PAM: variants seen among roughly 807,000 people sequenced by gnomAD.
PAM encodes peptidylglycine alpha-amidating monooxygenase.
In PAM, 72 loss-of-function variants were observed where a neutral mutation model predicts 122.1. The ratio of observed to expected loss-of-function variants is 0.59; its 90% CI spans 0.49 to 0.72. The LOEUF is 0.72. PAM is among the 30% of genes least tolerant of loss of function. The pLI, the probability that PAM is intolerant of heterozygous loss-of-function variation, is 0.00. For missense variants in PAM, 1,106 were observed against 1,183.7 expected (o/e 0.93, Z 0.96); for synonymous variants, 389 against 404.4 (o/e 0.96, Z 0.46).
intron 1 of PAM, among the ~76,000 whole-genome samples, chr5:102,755,649 T>G (rs2149604782): frequency 6.6e-6 from 1 of 152,130 alleles, no homozygotes; most frequent in Non-Finnish European, 1.5e-5. Flanking sequence ...CGTCCTCCCC[T>G]CCGGTCCTTC....
Position 103,002,587 on chromosome 5 carries a change from A to G in PAM, c.1614-446A>G, listed in dbSNP as rs540220533. Among the ~76,000 whole-genome samples, 4 of 152,282 alleles carry G rather than the reference A, an allele frequency of 2.6e-5. No individual in the cohort carries two copies. The South Asian group carries it at 8.3e-4, about 32-fold the overall frequency. ...CATTTTGATCACTGCTCTTCCAGCT[A>G]TTATTATAATTAATGACAAAGTTAA... On this transcript the variant is annotated intron_variant, in intron 16 of 25. Transcript: ENST00000438793.
At chr5:102,926,239 C>G (rs542737303) in intron 6 of PAM, among the ~76,000 whole-genome samples, 6 of 152,130 alleles carry the variant, frequency 3.9e-5, no homozygotes, top group Admixed American at 3.3e-4. Context: ...GGACTACAGG[C>G]GCCCGCCACC....
intron 7 of PAM, among the ~76,000 whole-genome samples, chr5:102,931,961 A>G (rs1293446561): frequency 6.6e-6 from 1 of 152,028 alleles, no homozygotes; most frequent in African/African-American, 2.4e-5. Context: ...TTTAATATTT[A>G]CATTCTAAAT....
At chr5:102,935,954 G>A (rs1753103085) in intron 7 of PAM, among the ~76,000 whole-genome samples, 1 of 152,108 alleles carries the variant, frequency 6.6e-6, no homozygotes, top group Non-Finnish European at 1.5e-5. Context: ...GCTCAGATAG[G>A]CTCACAAGAG....
At chr5:103,002,050 CCCT>C (rs1414938223) in intron 16 of PAM, among the ~76,000 whole-genome samples, 1 of 151,614 alleles carries the variant, frequency 6.6e-6, no homozygotes, top group African/African-American at 2.4e-5. Flanking sequence ...ACACACACCC[CCCT>C]CAACTATGTA....
intron 1 of PAM, among the ~76,000 whole-genome samples, chr5:102,795,210 A>G (rs1054466475): frequency 3.4e-5 from 5 of 148,896 alleles, no homozygotes; most frequent in East Asian, 4.1e-4. Flanking sequence ...AAAAAAAAAA[A>G]AAGAAGAGAA....
intron 16 of PAM, among the ~76,000 whole-genome samples, chr5:102,992,347 A>ATTTTAT: frequency 6.6e-6 from 1 of 151,212 alleles, no homozygotes; most frequent in African/African-American, 2.4e-5. Flanking sequence ...ATGTAAAACT[A>ATTTTAT]TTTTTTTTTC....
chr5:102,874,777 T>A (rs572203783), intron 3 of PAM, among the ~76,000 whole-genome samples: 6 of 148,254 alleles, frequency 4.0e-5, no homozygotes, highest in African/African-American at 1.3e-4. Context: ...GGAGAAAACA[T>A]ACTTAGTGAG....
intron 1 of PAM, among the ~76,000 whole-genome samples, chr5:102,798,443 A>T (rs967347197): frequency 1.3e-5 from 2 of 152,192 alleles, no homozygotes; most frequent in East Asian, 3.8e-4. Flanking sequence ...CGAAGGAGGT[A>T]TATTATTGAA....
intron 16 of PAM, among the ~76,000 whole-genome samples, chr5:102,998,420 A>G (rs543211808): frequency 6.6e-6 from 1 of 152,294 alleles, no homozygotes; most frequent in African/African-American, 2.4e-5. Context: ...AGGCATTTGG[A>G]CTGCCACTAT....
intron 4 of PAM, among the ~76,000 whole-genome samples, chr5:102,902,964 T>C (rs1798433107): frequency 6.6e-6 from 1 of 151,498 alleles, no homozygotes; most frequent in South Asian, 2.1e-4. Flanking sequence ...ATTGCTCTCC[T>C]ACTATAAATG....
Position 102,916,549 on chromosome 5 carries a change from C to A in PAM, c.356+2528C>A, listed in dbSNP as rs578122913. Reference sequence around the variant, plus strand: ...TAAGTCTAACATTTAAAAGTAGGATCTTTTCAATATGTGAACTAGAAGACA... The same window carrying A: ...TAAGTCTAACATTTAAAAGTAGGATATTTTCAATATGTGAACTAGAAGACA... On this transcript the variant is annotated intron_variant, in intron 5 of 25. Coordinates refer to ENST00000438793, the MANE Select transcript of PAM (RefSeq NM_001177306.2). 7.3e-5 allele frequency among the ~76,000 whole-genome samples: 11 copies of A among 150,774 alleles called. No individual in the cohort carries two copies. In the South Asian group the frequency reaches 2.1e-3, roughly 29 times the overall value.
At chr5:102,779,198 A>G (rs1757937336) in intron 1 of PAM, among the ~76,000 whole-genome samples, 1 of 151,484 alleles carries the variant, frequency 6.6e-6, no homozygotes. Context: ...TAAGTGTGTA[A>G]TTCAAAAATA....
At chr5:102,912,095 A>G (rs1355119330) in intron 4 of PAM, among the ~76,000 whole-genome samples, 2 of 152,020 alleles carry the variant, frequency 1.3e-5, no homozygotes, top group African/African-American at 4.8e-5. Flanking sequence ...TTTGCATCCA[A>G]CCATTTAATT....
intron 3 of PAM, among the ~76,000 whole-genome samples, chr5:102,874,431 C>T (rs1326687886): frequency 2.0e-5 from 3 of 151,842 alleles, no homozygotes; most frequent in African/African-American, 7.3e-5. Flanking sequence ...ACTTATTTAA[C>T]GTTCTCTTAG....
chr5:102,992,728 AT>A (rs1562169674), intron 16 of PAM, among the ~76,000 whole-genome samples: 1 of 152,108 alleles, frequency 6.6e-6, no homozygotes, highest in African/African-American at 2.4e-5. Flanking sequence ...TGGAAACTCC[AT>A]TCTTCTTGTT....
At chr5:102,878,027 C>CA (rs11290295) in intron 3 of PAM, among the ~76,000 whole-genome samples, 4 of 147,178 alleles carry the variant, frequency 2.7e-5, no homozygotes, top group Admixed American at 6.8e-5. Flanking sequence ...GACCCTTTCT[C>CA]AAAAAAAAAG....
At chr5:102,930,977 T>C (rs1260517964) in intron 7 of PAM, among the ~76,000 whole-genome samples, 1 of 152,224 alleles carries the variant, frequency 6.6e-6, no homozygotes, top group East Asian at 1.9e-4. Flanking sequence ...TGGCACATCC[T>C]AGTTTTGTTA....
intron 23 of PAM, among the ~76,000 whole-genome samples, chr5:103,020,883 C>A (rs1783354237): frequency 6.6e-6 from 1 of 152,050 alleles, no homozygotes; most frequent in Non-Finnish European, 1.5e-5. Context: ...AATTGTTTGG[C>A]ATTTGTAGAG....
Sources: allele counts gnomAD v4.1 joint callset (sites outside exome capture counted in the v4.1 genomes callset), GRCh38; gene constraint gnomAD v4.1.1; transcripts MANE v1.5; gene names NCBI Gene and HGNC (gene_info 2026-07-23, HGNC 2026-07-21).